INSC: variants seen among roughly 807,000 people sequenced by gnomAD.
The protein encoded by INSC is protein inscuteable homolog.
Under a neutral mutation model 58.6 loss-of-function variants are expected in INSC, and 67 were observed. The ratio of observed to expected loss-of-function variants is 1.14; its 90% confidence interval spans 0.94 to 1.40. The LOEUF (loss-of-function observed/expected upper bound fraction) is 1.40, where lower values mean the gene tolerates loss of function less well. Among genes scored for constraint, INSC ranks in the 40% most tolerant of loss-of-function variants. The pLI is 0.00. For missense variants in INSC, 714 were observed against 692.0 expected (o/e 1.03, Z -0.36); for synonymous variants, 262 against 276.1 (o/e 0.95, Z 0.51).
downstream of INSC, among the ~76,000 whole-genome samples, chr11:15,249,168 T>G (rs1388835776): frequency 3.9e-5 from 6 of 152,172 alleles, no homozygotes; most frequent in Non-Finnish European, 8.8e-5. Flanking sequence ...TGAAATCCTC[T>G]GGAACAAGCC....
chr11:15,256,125 C>T, the INSC span, among the ~76,000 whole-genome samples: 1 of 152,172 alleles, frequency 6.6e-6, no homozygotes. Context: ...TGTGTTTCTA[C>T]TCACAGGGAA....
At chr11:15,245,864 T>C (rs1852541696) in intron 12 of INSC, 48 bp from the exon 13 acceptor site, 1 of 1,590,184 alleles carries the variant, frequency 6.3e-7, no homozygotes, top group Non-Finnish European at 8.6e-7. Flanking sequence ...TACATGTACC[T>C]GACATGGCCC....
chr11:15,134,960 A>G (rs1441913531), intron 1 of INSC, among the ~76,000 whole-genome samples: 1 of 152,154 alleles, frequency 6.6e-6, no homozygotes, highest in Non-Finnish European at 1.5e-5. Flanking sequence ...CTATTATAAT[A>G]TAATTTAAAA....
the INSC span, among the ~76,000 whole-genome samples, chr11:15,269,065 A>G: frequency 6.6e-6 from 1 of 152,162 alleles, no homozygotes; most frequent in Admixed American, 6.6e-5. Flanking sequence ...AAAATATCCA[A>G]TTAACTTGCA....
At chr11:15,247,756 T>TATATATATATATATATATATATATATATC, downstream of INSC, among the ~76,000 whole-genome samples, 1 of 148,430 alleles carries the variant, frequency 6.7e-6, no homozygotes, top group South Asian at 2.1e-4. Context: ...TATATATATA[T>TATATATATATATATATATATATATATATC]TTCACTGAGT....
At chr11:15,134,804 GT>G (rs1423596127) in intron 1 of INSC, among the ~76,000 whole-genome samples, 3 of 149,462 alleles carry the variant, frequency 2.0e-5, no homozygotes, top group Non-Finnish European at 2.9e-5. Flanking sequence ...ACTCCAAGCT[GT>G]GAGTCAAGTC....
chr11:15,209,235 T>C (rs1172208128), intron 7 of INSC, among the ~76,000 whole-genome samples: 1 of 152,194 alleles, frequency 6.6e-6, no homozygotes, highest in Non-Finnish European at 1.5e-5. Flanking sequence ...CTACCACTTA[T>C]TCACTGTGTG....
chr11:15,120,936 TA>T (rs148956333), intron 1 of INSC, among the ~76,000 whole-genome samples: 7,454 of 151,686 alleles, frequency 0.049, 375 homozygotes, highest in African/African-American at 0.13. Flanking sequence ...TTTACTTTAT[TA>T]ACTTTCATTC....
upstream of INSC, among the ~76,000 whole-genome samples, chr11:15,112,821 A>G (rs926622397): frequency 3.9e-5 from 6 of 152,152 alleles, no homozygotes; most frequent in African/African-American, 1.4e-4. Flanking sequence ...TTTCTAGCAT[A>G]TAATAAAATA....
At chr11:15,197,253 G>T (rs1236043341) in intron 6 of INSC, among the ~76,000 whole-genome samples, 1 of 152,214 alleles carries the variant, frequency 6.6e-6, no homozygotes, top group Non-Finnish European at 1.5e-5. Context: ...CCAAGGGATG[G>T]AGCAGACAGA....
At chr11:15,179,532 A>G (rs1401642573) in intron 5 of INSC, among the ~76,000 whole-genome samples, 2 of 151,992 alleles carry the variant, frequency 1.3e-5, no homozygotes, top group African/African-American at 2.4e-5. Flanking sequence ...TTCTGGCTTG[A>G]CTGACATGCT....
At chr11:15,265,878 A>AT in the INSC span, among the ~76,000 whole-genome samples, 116 of 100,634 alleles carry the variant, frequency 1.2e-3, 1 homozygote, top group African/African-American at 4.3e-3. Context: ...CTATTTTAGC[A>AT]TTTTTTTCAG....
the INSC span, among the ~76,000 whole-genome samples, chr11:15,253,350 G>T: frequency 2.6e-5 from 4 of 152,112 alleles, no homozygotes; most frequent in African/African-American, 7.2e-5. Flanking sequence ...ATTCAAAGGC[G>T]TTGAGACACA....
At chr11:15,205,291 T>C (rs1564902383) in intron 7 of INSC, among the ~76,000 whole-genome samples, 1 of 152,222 alleles carries the variant, frequency 6.6e-6, no homozygotes, top group Non-Finnish European at 1.5e-5. Flanking sequence ...ATTCACTCTA[T>C]GAATTCCTTC....
chr11:15,246,670 C>T lies in INSC; in HGVS notation c.*630C>T, dbSNP rs16931291. On this transcript the variant is annotated 3_prime_UTR_variant, in exon 13 of 13. Coordinates refer to ENST00000379556, the MANE Select transcript of INSC (RefSeq NM_001042536.3). ...TATAAATAGGTTAAGTTCTGAGTGA[C>T]TTAGTGAGAAACCAAAGTGACTTTC... 43,856 of 152,322 alleles carry T rather than the reference C, an allele frequency of 0.29. 6,449 individuals are homozygous for T. The highest frequency in any genetic ancestry group is 0.33 in the African/African-American group (13,496 of 41,442). 9.4% of individuals were successfully genotyped at this position (152,322 alleles called of 1,614,324 possible). A position where few individuals can be genotyped will look rare whatever the true frequency, so the allele number is the denominator to read the frequency against.
intron 10 of INSC, among the ~76,000 whole-genome samples, chr11:15,235,928 C>T (rs557507214): frequency 9.2e-5 from 14 of 151,768 alleles, no homozygotes; most frequent in African/African-American, 2.7e-4. Context: ...TGGTGGTGGG[C>T]GCCTGTAATC....
chr11:15,124,194 C>T (rs535773633), intron 1 of INSC, among the ~76,000 whole-genome samples: 1 of 152,344 alleles, frequency 6.6e-6, no homozygotes, highest in South Asian at 2.1e-4. Flanking sequence ...ACTCCTGTAT[C>T]CCTCTTTTCT....
At chr11:15,193,920 A>G (rs1164577765) in intron 6 of INSC, among the ~76,000 whole-genome samples, 3 of 146,684 alleles carry the variant, frequency 2.0e-5, no homozygotes, top group Non-Finnish European at 4.5e-5. Context: ...GTTCACCTAC[A>G]TGAGAAACTG....
chr11:15,260,116 G>A, the INSC span, among the ~76,000 whole-genome samples: 88 of 152,250 alleles, frequency 5.8e-4, no homozygotes, highest in Middle Eastern at 0.01. Flanking sequence ...AACCCAGCCT[G>A]CCTGAGGGAG....
Sources: allele counts gnomAD v4.1 joint callset (sites outside exome capture counted in the v4.1 genomes callset), GRCh38; gene constraint gnomAD v4.1.1; transcripts MANE v1.5; gene names NCBI Gene and HGNC (gene_info 2026-07-23, HGNC 2026-07-21).